Variants in LYPD6B observed in about 807,000 individuals in gnomAD.
LYPD6B encodes the protein LY6/PLAUR domain containing 6B.
LYPD6B carries 17 observed loss-of-function variants against 22.8 expected under a neutral mutation model. The ratio of observed to expected loss-of-function variants is 0.75; its 90% confidence interval spans 0.51 to 1.12. LYPD6B has a LOEUF of 1.12. Ranked by LOEUF, LYPD6B falls within the 50% of genes most tolerant of loss-of-function variation. LYPD6B has a pLI of 0.00. For synonymous variants in LYPD6B, 106 were observed against 91.6 expected (o/e 1.16, Z -0.90); for missense variants, 221 against 258.3 (o/e 0.86, Z 0.99).
intron 1 of LYPD6B, among the ~76,000 whole-genome samples, chr2:149,129,621 T>C (rs1383406073): frequency 2.0e-5 from 3 of 152,230 alleles, no homozygotes; most frequent in Admixed American, 2.0e-4. Context: ...CAACTGTATC[T>C]CCTTGGAGGA....
chr2:149,124,314 G>A (rs1687559196), intron 1 of LYPD6B, among the ~76,000 whole-genome samples: 1 of 152,102 alleles, frequency 6.6e-6, no homozygotes, highest in Non-Finnish European at 1.5e-5. Context: ...GTTCCACTGG[G>A]CAGAGAACAT....
At chr2:149,052,591 G>A (rs1050299312) in intron 1 of LYPD6B, among the ~76,000 whole-genome samples, 8 of 152,086 alleles carry the variant, frequency 5.3e-5, no homozygotes, top group South Asian at 2.1e-4. Flanking sequence ...TCTTGTCTGG[G>A]GCTACTCCCT....
intron 1 of LYPD6B, among the ~76,000 whole-genome samples, chr2:149,079,019 T>C (rs182127015): frequency 6.7e-6 from 1 of 149,786 alleles, no homozygotes; most frequent in African/African-American, 2.5e-5. Flanking sequence ...TTTTTTTTTT[T>C]AAATGCTTAT....
intron 2 of LYPD6B, among the ~76,000 whole-genome samples, chr2:149,157,077 G>C (rs889466915): frequency 6.6e-6 from 1 of 152,048 alleles, no homozygotes; most frequent in Non-Finnish European, 1.5e-5. Flanking sequence ...TCCTGAGATG[G>C]GGTAAGTAAT....
chr2:149,173,178 GT>G (rs35671707), intron 3 of LYPD6B, among the ~76,000 whole-genome samples: 125,757 of 149,526 alleles, frequency 0.84, 53,873 homozygotes, highest in South Asian at 0.95. Flanking sequence ...CTATTACTGT[GT>G]TTTTTTTTTT....
At chr2:149,126,916 G>T (rs1479531514) in intron 1 of LYPD6B, among the ~76,000 whole-genome samples, 1 of 144,040 alleles carries the variant, frequency 6.9e-6, no homozygotes. Context: ...CTTTCTCTCT[G>T]TACTGCCTTC....
chr2:149,151,281 G>A (rs922424283), intron 2 of LYPD6B, among the ~76,000 whole-genome samples: 3 of 152,058 alleles, frequency 2.0e-5, no homozygotes, highest in South Asian at 2.1e-4. Flanking sequence ...GAGGGAGGCC[G>A]GGTGTGAAGG....
At chr2:149,122,536 A>G (rs1687433606) in intron 1 of LYPD6B, among the ~76,000 whole-genome samples, 1 of 151,284 alleles carries the variant, frequency 6.6e-6, no homozygotes, top group South Asian at 2.1e-4. Context: ...CGTCATTTAC[A>G]TTAGTTATTC....
Position 149,146,834 on chromosome 2 carries a change from C to T in LYPD6B, c.6-13930C>T, listed in dbSNP as rs73017051. Among the ~76,000 whole-genome samples, 756 of 152,298 alleles carry T rather than the reference C, an allele frequency of 5.0e-3. 7 individuals are homozygous for T. Among genetic ancestry groups the T allele is most frequent in the African/African-American group, 0.017 (724 of 41,570 alleles). ...TAGCTGTGGGATTAGAAGACCCTTG[C>T]GCTTACCTGCCGGAACATATTTCAA... On this transcript the variant is annotated intron_variant, in intron 2 of 6. Transcript: ENST00000409642.
At chr2:149,163,782 G>A (rs777163100) in intron 3 of LYPD6B, among the ~76,000 whole-genome samples, 2 of 152,114 alleles carry the variant, frequency 1.3e-5, no homozygotes, top group Non-Finnish European at 2.9e-5. Context: ...TCATTCTCTT[G>A]TTTTGGGAAG....
chr2:149,209,304 C>T (rs1391133029), intron 5 of LYPD6B, among the ~76,000 whole-genome samples: 1 of 152,014 alleles, frequency 6.6e-6, no homozygotes, highest in African/African-American at 2.4e-5. Context: ...CAAATGAGGA[C>T]TCTCATCTTC....
chr2:149,100,155 G>T (rs1157684112), intron 1 of LYPD6B, among the ~76,000 whole-genome samples: 1 of 152,038 alleles, frequency 6.6e-6, no homozygotes, highest in African/African-American at 2.4e-5. Flanking sequence ...TCTAAACTGG[G>T]TCATCCTGTA....
chr2:149,130,676 G>A (rs962797307), intron 1 of LYPD6B, among the ~76,000 whole-genome samples: 3 of 152,100 alleles, frequency 2.0e-5, no homozygotes, highest in South Asian at 4.1e-4. Context: ...TCTATGTCCT[G>A]CCAAATCTTT....
chr2:149,151,136 A>G (rs1689345269), intron 2 of LYPD6B, among the ~76,000 whole-genome samples: 1 of 152,060 alleles, frequency 6.6e-6, no homozygotes, highest in Non-Finnish European at 1.5e-5. Context: ...ATGTCTGGTG[A>G]TCCTGGGCTG....
chr2:149,211,175 A>G (rs1056779651), intron 5 of LYPD6B, among the ~76,000 whole-genome samples: 2 of 152,140 alleles, frequency 1.3e-5, no homozygotes, highest in Non-Finnish European at 2.9e-5. Flanking sequence ...CACTAAGGGG[A>G]TGGCACTAAA....
At chr2:149,119,128 A>G (rs561240681) in intron 1 of LYPD6B, 1 of 151,664 alleles carries the variant, frequency 6.6e-6, no homozygotes. Context: ...CTGCCCATTA[A>G]TCTTGACCCT....
At chr2:149,119,603 G>A (rs977196570) in intron 1 of LYPD6B, among the ~76,000 whole-genome samples, 2 of 152,182 alleles carry the variant, frequency 1.3e-5, no homozygotes, top group Non-Finnish European at 2.9e-5. Flanking sequence ...TTGGCTCCGG[G>A]CCCGTAGGCA....
chr2:149,160,941 ATCTCCTT>A, intron 3 of LYPD6B, 106 bp downstream of exon 3: 1 of 833,990 alleles, frequency 1.2e-6, no homozygotes. Flanking sequence ...TGTTTTTCCC[ATCTCCTT>A]GGCAGTTTGC....
chr2:149,193,169 C>A (rs1457804731), intron 3 of LYPD6B, among the ~76,000 whole-genome samples: 1 of 152,094 alleles, frequency 6.6e-6, no homozygotes, highest in African/African-American at 2.4e-5. Flanking sequence ...GGTCACCTCA[C>A]CAAGTACTTT....
Sources: gnomAD v4.1 joint callset for allele counts (sites outside exome capture counted in the v4.1 genomes callset) on GRCh38, gnomAD v4.1.1 for gene constraint, MANE v1.5 for transcripts, NCBI Gene and HGNC (gene_info 2026-07-23, HGNC 2026-07-21) for gene names.